LRP1B: variants seen among roughly 807,000 people sequenced by gnomAD.
The protein encoded by LRP1B is LDL receptor related protein 1B, also known as low-density lipoprotein receptor-related protein 1B.
A neutral mutation model predicts 556.6 loss-of-function variants in LRP1B; 217 were observed. The ratio of observed to expected loss-of-function variants is 0.39; its 90% CI spans 0.35 to 0.44. The LOEUF (loss-of-function observed/expected upper bound fraction) is 0.44, where lower values mean the gene tolerates loss of function less well. LRP1B is among the 20% of genes least tolerant of loss of function. LRP1B has a pLI of 1.00. For missense variants in LRP1B, 5,053 were observed against 5,620.8 expected (o/e 0.90, Z 3.23); for synonymous variants, 2,047 against 1,865.8 (o/e 1.10, Z -2.50).
chr2:140,625,249 T>C (rs999012959), intron 41 of LRP1B, among the ~76,000 whole-genome samples: 4 of 152,202 alleles, frequency 2.6e-5, no homozygotes, highest in African/African-American at 9.7e-5. Flanking sequence ...GAGTTAGTGA[T>C]AAATGATCAT....
At chr2:140,315,975 T>C (rs1684504172) in intron 82 of LRP1B, among the ~76,000 whole-genome samples, 1 of 152,168 alleles carries the variant, frequency 6.6e-6, no homozygotes, top group Non-Finnish European at 1.5e-5. Context: ...CCGTAGAGTC[T>C]ACCTACTTAA....
chr2:140,769,025 T>A (rs995902050), intron 35 of LRP1B, among the ~76,000 whole-genome samples, 188 bp downstream of exon 35: 3 of 65,252 alleles, frequency 4.6e-5, no homozygotes, highest in African/African-American at 1.2e-4. Flanking sequence ...AGGACGATTT[T>A]ACTTGATTTT....
intron 3 of LRP1B, among the ~76,000 whole-genome samples, chr2:141,258,332 A>C (rs1271902673): frequency 6.6e-6 from 1 of 152,000 alleles, no homozygotes; most frequent in Non-Finnish European, 1.5e-5. Context: ...AAAAACACAA[A>C]AAAGTTAGCT....
intron 21 of LRP1B, among the ~76,000 whole-genome samples, chr2:140,920,058 A>G (rs375680025): frequency 1.8e-4 from 28 of 152,184 alleles, no homozygotes; most frequent in African/African-American, 6.3e-4. Flanking sequence ...TTACATTCCT[A>G]CAAGTAGCTG....
rs752824031 is a variant in LRP1B, at chr2:140,989,704, G to A, written c.2645-47C>T. The A allele has an allele frequency of 5.0e-6, 8 of 1,592,008 alleles. No individual in the cohort carries two copies. The Admixed American group carries it at 1.2e-4, about 23-fold the overall frequency. On this transcript the variant is annotated intron_variant, in intron 16 of 90. Coordinates refer to ENST00000389484, the MANE Select transcript of LRP1B (RefSeq NM_018557.3). The stretch of plus-strand genomic sequence containing the variant: ...GATTAATTATTTAAAATTGGATAAA[G>A]TTGTGAATATTTTGAATGATAGTTA...
chr2:141,854,439 T>C (rs1385799800), intron 1 of LRP1B, among the ~76,000 whole-genome samples: 1 of 151,778 alleles, frequency 6.6e-6, no homozygotes, highest in Non-Finnish European at 1.5e-5. Flanking sequence ...TAAACGGCAT[T>C]GCAAAGTTTT....
intron 2 of LRP1B, among the ~76,000 whole-genome samples, chr2:141,535,692 T>C (rs1224895059): frequency 2.0e-5 from 3 of 152,086 alleles, no homozygotes; most frequent in African/African-American, 4.8e-5. Context: ...TTTGGTACTT[T>C]TATACAAGAA....
At chr2:141,984,461 G>T (rs999638495) in intron 1 of LRP1B, among the ~76,000 whole-genome samples, 1 of 152,118 alleles carries the variant, frequency 6.6e-6, no homozygotes, top group Non-Finnish European at 1.5e-5. Context: ...GTTGGCAAAT[G>T]AGTATTGTAA....
chr2:141,025,483 A>G (rs2105405304), intron 11 of LRP1B, among the ~76,000 whole-genome samples: 1 of 152,212 alleles, frequency 6.6e-6, no homozygotes, highest in African/African-American at 2.4e-5. Flanking sequence ...GATTATATGA[A>G]CATCAGTAGA....
chr2:141,421,503 T>A (rs1280182543), intron 3 of LRP1B, among the ~76,000 whole-genome samples: 1 of 136,576 alleles, frequency 7.3e-6, no homozygotes, highest in African/African-American at 2.8e-5. Flanking sequence ...CACTCCAGCC[T>A]GGGCGACAGA....
At chr2:140,636,847 A>G (rs1367874773) in intron 41 of LRP1B, among the ~76,000 whole-genome samples, 1 of 152,194 alleles carries the variant, frequency 6.6e-6, no homozygotes, top group Non-Finnish European at 1.5e-5. Context: ...ACTCCTTTCC[A>G]ATATCCTCAA....
intron 31 of LRP1B, among the ~76,000 whole-genome samples, chr2:140,828,583 T>C (rs1691594010): frequency 1.8e-5 from 2 of 108,748 alleles, no homozygotes; most frequent in Non-Finnish European, 3.4e-5. Context: ...CACTCCAGCC[T>C]GGGCGACAGA....
At chr2:141,830,329 A>G (rs1000998437) in intron 1 of LRP1B, among the ~76,000 whole-genome samples, 1 of 151,782 alleles carries the variant, frequency 6.6e-6, no homozygotes, top group Non-Finnish European at 1.5e-5. Context: ...TTCTAACCTC[A>G]TCACCTCCCA....
chr2:142,093,822 A>T (rs989490399), intron 1 of LRP1B, among the ~76,000 whole-genome samples: 1 of 152,134 alleles, frequency 6.6e-6, no homozygotes, highest in Non-Finnish European at 1.5e-5. Flanking sequence ...GGAAGAATTT[A>T]AAAGTGGCTT....
At chr2:141,691,042 G>A (rs1461470751) in intron 2 of LRP1B, among the ~76,000 whole-genome samples, 1 of 151,870 alleles carries the variant, frequency 6.6e-6, no homozygotes, top group Non-Finnish European at 1.5e-5. Flanking sequence ...TAAGAATGGA[G>A]TACTAGACAG....
chr2:141,331,400 T>C (rs1227635703), intron 3 of LRP1B, among the ~76,000 whole-genome samples: 1 of 152,176 alleles, frequency 6.6e-6, no homozygotes, highest in Non-Finnish European at 1.5e-5. Context: ...TGGGTTGATA[T>C]GGAGATGGGA....
chr2:141,819,025 G>A (rs1162912580), intron 1 of LRP1B, among the ~76,000 whole-genome samples: 1 of 151,382 alleles, frequency 6.6e-6, no homozygotes, highest in Non-Finnish European at 1.5e-5. Flanking sequence ...TGGATCACAA[G>A]GTCAGGAGTT....
intron 33 of LRP1B, among the ~76,000 whole-genome samples, chr2:140,773,284 G>T (rs992280777): frequency 1.3e-5 from 2 of 152,108 alleles, no homozygotes; most frequent in Non-Finnish European, 2.9e-5. Context: ...GGCCAACATG[G>T]TGAAACCCCG....
chr2:140,875,699 C>A (rs1366485527), intron 25 of LRP1B, among the ~76,000 whole-genome samples: 1 of 152,006 alleles, frequency 6.6e-6, no homozygotes, highest in Non-Finnish European at 1.5e-5. Context: ...TCCCTAAAGT[C>A]CAAAAATGAC....
Sources: allele counts gnomAD v4.1 joint callset (sites outside exome capture counted in the v4.1 genomes callset), GRCh38; gene constraint gnomAD v4.1.1; transcripts MANE v1.5; gene names NCBI Gene and HGNC (gene_info 2026-07-23, HGNC 2026-07-21).